The following WSB2 variants were observed in gnomAD, a reference collection of about 807,000 sequenced individuals.
The protein encoded by WSB2 is WD repeat and SOCS box containing 2, also known as WD repeat and SOCS box-containing protein 2.
In WSB2, 12 loss-of-function variants were observed where a neutral mutation model predicts 48.8. The ratio of observed to expected loss-of-function variants is 0.25; its 90% CI spans 0.16 to 0.40. The LOEUF (loss-of-function observed/expected upper bound fraction) is 0.40. WSB2 is among the 10% of genes least tolerant of loss of function. The pLI is 1.00. For missense variants in WSB2, 317 were observed against 506.2 expected (o/e 0.63, Z 3.59); for synonymous variants, 191 against 203.1 (o/e 0.94, Z 0.51).
In WSB2 at chr12:118,042,869, A is replaced by G; in HGVS notation, c.531T>C (p.Thr177=). The stretch of plus-strand genomic sequence containing the variant: ...GTTTATTCAGGTCCCAGATGCGAAG[A>G]GTCTTATCCCGTGACGCGGAGACCA... ...LILVSASRDK[T]LRIWDLNKHG... is the part of the protein sequence containing the mutation. Residue 177 remains threonine, a synonymous_variant, in exon 4 of 9, where the codon ACT becomes ACC. Transcript: ENST00000315436. 1 of 1,614,140 alleles carries G rather than the reference A, an allele frequency of 6.2e-7. No individual in the cohort carries two copies. The highest frequency in any genetic ancestry group is 8.5e-7 in the Non-Finnish European group (1 of 1,180,004).
At chr12:118,056,089 G>A (rs1039210686) in intron 1 of WSB2, among the ~76,000 whole-genome samples, 2 of 151,838 alleles carry the variant, frequency 1.3e-5, no homozygotes, top group Non-Finnish European at 2.9e-5. Flanking sequence ...CTCTAGCCCC[G>A]CACCATCGGT....
At chr12:118,053,493 C>T (rs1263246762) in intron 1 of WSB2, among the ~76,000 whole-genome samples, 1 of 152,144 alleles carries the variant, frequency 6.6e-6, no homozygotes, top group Non-Finnish European at 1.5e-5. Context: ...TCTTATGTAA[C>T]CAATTTCTCT....
chr12:118,044,233 C>T (rs2031701135), intron 2 of WSB2, among the ~76,000 whole-genome samples: 2 of 152,268 alleles, frequency 1.3e-5, no homozygotes, highest in South Asian at 2.1e-4. Context: ...AACAGATGCT[C>T]CAGGGAGTCA....
intron 2 of WSB2, among the ~76,000 whole-genome samples, chr12:118,050,298 C>T (rs1429257481): frequency 2.6e-5 from 4 of 152,182 alleles, no homozygotes; most frequent in Non-Finnish European, 5.9e-5. Flanking sequence ...TGAATGGGAG[C>T]TCACGGCATT....
At chr12:118,039,447 G>A (rs2031582343) in intron 4 of WSB2, among the ~76,000 whole-genome samples, 1 of 152,158 alleles carries the variant, frequency 6.6e-6, no homozygotes, top group Admixed American at 6.5e-5. Context: ...GAAGATGTAT[G>A]ATTCCATTTT....
At chr12:118,035,425 G>T in intron 6 of WSB2, 101 bp from the exon 7 acceptor site, 2 of 997,176 alleles carry the variant, frequency 2.0e-6, no homozygotes, top group Non-Finnish European at 1.5e-6. Flanking sequence ...GGCTACAAAA[G>T]GGCTCAAGAT....
rs748257814 is a variant in WSB2 at position 118,042,866 on chromosome 12, A to G, written c.534T>C (p.Leu178=). ...ILVSASRDKT[L]RIWDLNKHGK... Reference sequence around the variant, plus strand: ...CGTGTTTATTCAGGTCCCAGATGCGAAGAGTCTTATCCCGTGACGCGGAGA... The same window carrying G: ...CGTGTTTATTCAGGTCCCAGATGCGGAGAGTCTTATCCCGTGACGCGGAGA... The change falls in exon 4 of 9, where the codon CTT becomes CTC. Residue 178 remains leucine, a synonymous_variant. Transcript: ENST00000315436. 3 of 1,614,088 alleles carry G rather than the reference A, an allele frequency of 1.9e-6. No homozygotes were observed. The African/African-American group carries it at 4.0e-5, about 22-fold the overall frequency.
chr12:118,047,681 C>T (rs1593469382), intron 2 of WSB2, among the ~76,000 whole-genome samples: 2 of 152,238 alleles, frequency 1.3e-5, no homozygotes, highest in South Asian at 2.1e-4. Context: ...CCACTGTACT[C>T]CAGCCTGGGT....
At chr12:118,061,552 G>A (rs1350802229), upstream of WSB2, among the ~76,000 whole-genome samples, 7 of 151,238 alleles carry the variant, frequency 4.6e-5, no homozygotes, top group African/African-American at 1.2e-4. Context: ...ATAGAAACCG[G>A]AGTAGGGGAA....
At chr12:118,061,308 G>A (rs556390971), upstream of WSB2, 264 of 577,044 alleles carry the variant, frequency 4.6e-4, no homozygotes, top group African/African-American at 5.0e-3. Flanking sequence ...TCGGGGAGGC[G>A]GTACGCTGAC....
At chr12:118,055,027 A>AG (rs1420305876) in intron 1 of WSB2, among the ~76,000 whole-genome samples, 1 of 151,098 alleles carries the variant, frequency 6.6e-6, no homozygotes, top group African/African-American at 2.4e-5. Context: ...AAAAAAAAAA[A>AG]AAAGAAAAAA....
At chr12:118,055,543 GA>G (rs2031940244) in intron 1 of WSB2, among the ~76,000 whole-genome samples, 1 of 148,012 alleles carries the variant, frequency 6.8e-6, no homozygotes, top group African/African-American at 2.5e-5. Context: ...TGACCAGGAT[GA>G]AAATGTCTTT....
intron 6 of WSB2, chr12:118,036,085 C>G (rs1339499614): frequency 6.3e-6 from 2 of 317,876 alleles, no homozygotes; most frequent in African/African-American, 2.1e-5. Context: ...GCTTGTAGTC[C>G]TAGCTACTCG....
At chr12:118,040,992 T>C (rs1306653965) in intron 4 of WSB2, among the ~76,000 whole-genome samples, 4 of 152,244 alleles carry the variant, frequency 2.6e-5, no homozygotes, top group Non-Finnish European at 4.4e-5. Context: ...GAGGTTGCAG[T>C]GAGCTGAGAT....
intron 1 of WSB2, among the ~76,000 whole-genome samples, chr12:118,059,201 G>C (rs973280774): frequency 2.8e-5 from 4 of 144,900 alleles, no homozygotes; most frequent in African/African-American, 1.1e-4. Flanking sequence ...TGAACACTTA[G>C]CACAAAAAAA....
chr12:118,046,113 C>T lies in WSB2; in HGVS notation c.183-2736G>A, dbSNP rs141751040. On this transcript the variant is annotated intron_variant, in intron 2 of 8. Coordinates refer to ENST00000315436, the MANE Select transcript of WSB2 (RefSeq NM_018639.5). ...TGAGGCTGCTTTCACACTGTGACAG[C>T]GGAGTTCAACAGTCAAGACAGGGAC... Among the ~76,000 whole-genome samples the T allele has an allele frequency of 6.6e-3, 998 of 152,268 alleles. 14 individuals are homozygous for T. Among genetic ancestry groups the T allele is most frequent in the Non-Finnish European group, 6.4e-3 (438 of 68,008 alleles).
At chr12:118,040,001 C>T (rs978560386) in intron 4 of WSB2, among the ~76,000 whole-genome samples, 5 of 152,004 alleles carry the variant, frequency 3.3e-5, no homozygotes, top group Admixed American at 6.6e-5. Context: ...CCGCCTTGGC[C>T]TCCCAAAGTG....
At chr12:118,050,743 GACCAGTAAGC>G (rs1314976918) in intron 2 of WSB2, among the ~76,000 whole-genome samples, 2 of 152,010 alleles carry the variant, frequency 1.3e-5, no homozygotes, top group African/African-American at 4.8e-5. Context: ...GTATACAAAG[GACCAGTAAGC>G]ACCTGAAAAG....
chr12:118,046,733 T>C (rs1337398926), intron 2 of WSB2, among the ~76,000 whole-genome samples: 2 of 152,142 alleles, frequency 1.3e-5, no homozygotes, highest in Non-Finnish European at 2.9e-5. Context: ...TAAATTTGTT[T>C]TATTTGTTAT....
Sources: allele counts gnomAD v4.1 joint callset (sites outside exome capture counted in the v4.1 genomes callset), GRCh38; gene constraint gnomAD v4.1.1; transcripts MANE v1.5; gene names NCBI Gene and HGNC (gene_info 2026-07-23, HGNC 2026-07-21).